POLR2F: variants seen among roughly 807,000 people sequenced by gnomAD.
POLR2F encodes DNA-directed RNA polymerases I, II, and III subunit RPABC2.
In POLR2F, 12 loss-of-function variants were observed where a neutral mutation model predicts 22.7. The observed-to-expected ratio is 0.53, with a 90% confidence interval of 0.34 to 0.86. POLR2F has a LOEUF of 0.86. POLR2F is among the 40% of genes least tolerant of loss of function. The pLI is 0.02. For missense variants in POLR2F, 126 were observed against 171.5 expected, an observed-to-expected ratio of 0.73 and a Z score of 1.48; for synonymous variants, 57 against 66.0, an observed-to-expected ratio of 0.86 and a Z score of 0.66.
upstream of POLR2F, chr22:37,983,557 G>C: frequency 6.2e-7 from 1 of 1,610,434 alleles, no homozygotes; most frequent in Non-Finnish European, 8.5e-7. This position sits in a 1 kb window ranked among gnomAD's most constrained non-coding sequence, Gnocchi z 9.5. Context: ...GCACCTGGCT[G>C]ACGGCCTCGC....
intron 1 of POLR2F, among the ~76,000 whole-genome samples, chr22:38,019,705 C>T (rs948246695): frequency 6.6e-6 from 1 of 152,224 alleles, no homozygotes; most frequent in African/African-American, 2.4e-5. Flanking sequence ...TCCAAGTCTT[C>T]CCTGGCCTCT....
At chr22:38,022,568 AAAAG>A (rs1469554072) in intron 1 of POLR2F, among the ~76,000 whole-genome samples, 23 of 151,230 alleles carry the variant, frequency 1.5e-4, no homozygotes, top group East Asian at 5.8e-4. Flanking sequence ...AAAAAAAAAA[AAAAG>A]AAAGAAAGAC....
chr22:38,011,493 A>G (rs2084871604), intron 1 of POLR2F, among the ~76,000 whole-genome samples: 1 of 150,250 alleles, frequency 6.7e-6, no homozygotes, highest in South Asian at 2.1e-4. Flanking sequence ...TGCTTATTCA[A>G]TTGTTTGAGT....
intron 1 of POLR2F, among the ~76,000 whole-genome samples, chr22:37,955,064 G>A (rs927680805): frequency 1.3e-5 from 2 of 152,154 alleles, no homozygotes; most frequent in African/African-American, 2.4e-5. Flanking sequence ...AGCTGTTGGG[G>A]TGAAAGGCTT....
At position 38,017,728 on chromosome 22, in the gene POLR2F, G is replaced by A. The variant is rs777600391; in HGVS notation, c.121-8141G>A. Reference sequence around the variant, plus strand: ...ACCAGCCAAGAAGTCACCCGCCCCCGCTGGCACAGCTCCAGTGACATGGAG... The same window carrying A: ...ACCAGCCAAGAAGTCACCCGCCCCCACTGGCACAGCTCCAGTGACATGGAG... On this transcript the variant is annotated intron_variant, in intron 1 of 2. Transcript: ENST00000333418. The surrounding 1 kb of genome is among the most constrained non-coding windows in gnomAD (Gnocchi z 4.1). 2.8e-4 allele frequency among the ~76,000 whole-genome samples: 43 copies of A among 152,156 alleles called. No homozygotes were observed. The highest frequency in any genetic ancestry group is 5.3e-4 in the African/African-American group (22 of 41,436).
In POLR2F at chr22:38,017,890, T is replaced by A. The variant is rs894283759; in HGVS notation, c.121-7979T>A. Among the ~76,000 whole-genome samples, 1 of 152,202 alleles carries A rather than the reference T, an allele frequency of 6.6e-6. No individual in the cohort carries two copies. The highest frequency in any genetic ancestry group is 2.1e-4 in the South Asian group (1 of 4,830). ...GGAACCATATGGAACAAGTTAAGCC[T>A]CCCTGAGAATTGGTTTCCTCACTTG... On this transcript the variant is annotated intron_variant, in intron 1 of 2. Transcript: ENST00000333418. This position sits in a 1 kb window ranked among gnomAD's most constrained non-coding sequence, Gnocchi z 4.1.
At chr22:38,015,349 C>T (rs1224662882) in intron 1 of POLR2F, among the ~76,000 whole-genome samples, 4 of 152,176 alleles carry the variant, frequency 2.6e-5, no homozygotes, top group African/African-American at 9.6e-5. Flanking sequence ...CCCTGCTTGG[C>T]AGAGGTGAGA....
At chr22:38,025,510 T>G (rs1471948052) in intron 1 of POLR2F, 1 of 1,423,726 alleles carries the variant, frequency 7.0e-7, no homozygotes. Flanking sequence ...AGTCCCAACA[T>G]TCACAAATTC....
At chr22:38,002,602 G>A (rs2084782118) in intron 1 of POLR2F, among the ~76,000 whole-genome samples, 1 of 152,056 alleles carries the variant, frequency 6.6e-6, no homozygotes, top group Non-Finnish European at 1.5e-5. Context: ...GGCTGGGGTT[G>A]CTCAGCAAAG....
chr22:38,036,053 G>C (rs554458230), intron 5 of POLR2F, among the ~76,000 whole-genome samples: 70 of 149,294 alleles, frequency 4.7e-4, no homozygotes, highest in African/African-American at 1.7e-3. Flanking sequence ...TTGGCTCAAT[G>C]CAACCTCCGC....
intron 5 of POLR2F, among the ~76,000 whole-genome samples, chr22:38,038,139 G>A (rs2085134481): frequency 6.6e-6 from 1 of 151,614 alleles, no homozygotes; most frequent in Non-Finnish European, 1.5e-5. Flanking sequence ...CTGGGGTGGG[G>A]AAAGAAAAAA....
At chr22:37,984,725 C>T (rs1932520447), upstream of POLR2F, among the ~76,000 whole-genome samples, 1 of 152,230 alleles carries the variant, frequency 6.6e-6, no homozygotes, top group South Asian at 2.1e-4. The surrounding 1 kb of genome is among the most constrained non-coding windows in gnomAD (Gnocchi z 4.4). Context: ...TGCCCTACTG[C>T]CCAGGCCCAT....
rs539769105 is a variant in POLR2F at position 37,988,228 on chromosome 22, G to T, written c.120+1916G>T. On this transcript the variant is annotated intron_variant, in intron 1 of 2. Coordinates refer to the POLR2F transcript ENST00000333418. ...GCCTGTAATCCCAGCTACTTGGGAG[G>T]CTGAGGCAGGAGAATCACTTGAACC... 7 of 149,284 alleles carry T rather than the reference G, an allele frequency of 4.7e-5. No individual in the cohort carries two copies. In the East Asian group the frequency reaches 1.4e-3, roughly 29 times the overall value. 9.2% of individuals were successfully genotyped at this position (149,284 alleles called of 1,614,324 possible).
At chr22:37,992,761 C>T (rs1276461691) in intron 1 of POLR2F, among the ~76,000 whole-genome samples, 5 of 152,194 alleles carry the variant, frequency 3.3e-5, no homozygotes, top group Admixed American at 2.0e-4. Context: ...ATCAGATGTT[C>T]CCCGTCTGCT....
rs570728591 is a variant in POLR2F, at chr22:37,968,237, G to A, written c.*522G>A. 2.1e-3 allele frequency: 2,090 copies of A among 985,466 alleles called. 3 individuals are homozygous for A. The highest frequency in any genetic ancestry group is 2.4e-3 in the Non-Finnish European group (2,019 of 829,992). 61.0% of individuals were successfully genotyped at this position (985,466 alleles called of 1,614,324 possible). A position where few individuals can be genotyped will look rare whatever the true frequency, so the allele number is the denominator to read the frequency against. ...GAGCAGTGCCCCAGCAGGAAGCGTG[G>A]GGGTGTGCTGATCTCCCACCCTCCC... On this transcript the variant is annotated 3_prime_UTR_variant, in exon 5 of 5. Coordinates refer to ENST00000442738, the MANE Select transcript of POLR2F (RefSeq NM_021974.5).
At chr22:38,018,296 G>A (rs1474668541) in intron 1 of POLR2F, among the ~76,000 whole-genome samples, 1 of 152,230 alleles carries the variant, frequency 6.6e-6, no homozygotes, top group African/African-American at 2.4e-5. Flanking sequence ...ATTTGGAACA[G>A]GGCTCAGTTT....
At position 38,025,948 on chromosome 22, in the gene POLR2F, G is replaced by A. The variant is rs760798123; in HGVS notation, c.202G>A (p.Asp68Asn). The change falls in exon 2 of 3, where the codon GAC becomes AAC. Residue 68 changes from aspartate to asparagine, a missense_variant. Physicochemically the swap from Asp to Asn is conservative, Grantham distance 23 (BLOSUM62 1). Transcript: ENST00000333418. ...GCTCAACAGATGCTCTGAAATCAAT[G>A]ACTCTGAATCTAGAAGTCAACCGGA... The A allele has an allele frequency of 2.3e-5, 15 of 654,758 alleles. No homozygotes were observed. The East Asian group carries it at 5.0e-4, about 22-fold the overall frequency. 40.6% of individuals were successfully genotyped at this position (654,758 alleles called of 1,614,324 possible).
chr22:37,975,966 C>T (rs938855513), intron 4 of POLR2F, among the ~76,000 whole-genome samples: 3 of 151,928 alleles, frequency 2.0e-5, no homozygotes, highest in Admixed American at 1.3e-4. Flanking sequence ...GGAGGCTGGG[C>T]GTGCTGGGTC....
intron 1 of POLR2F, among the ~76,000 whole-genome samples, chr22:38,015,147 T>C (rs1373465334): frequency 6.6e-6 from 1 of 152,128 alleles, no homozygotes. Context: ...AGAAGTGAGA[T>C]TGGATATTCT....
Sources: allele counts gnomAD v4.1 joint callset (sites outside exome capture counted in the v4.1 genomes callset), GRCh38; gene constraint gnomAD v4.1.1; non-coding constraint Gnocchi (gnomAD v3.1); transcripts MANE v1.5; gene names NCBI Gene and HGNC (gene_info 2026-07-23, HGNC 2026-07-21).